SLIT2: variants seen among roughly 807,000 people sequenced by gnomAD.
SLIT2 encodes the protein slit homolog 2 protein.
Under a neutral mutation model 185.7 loss-of-function variants are expected in SLIT2, and 41 were observed. The observed-to-expected ratio is 0.22, with a 90% CI of 0.17 to 0.29. The LOEUF (loss-of-function observed/expected upper bound fraction) is 0.29, where lower values mean the gene tolerates loss of function less well. Among genes scored for constraint, SLIT2 ranks in the 10% least tolerant of loss-of-function variants. The pLI is 1.00. For synonymous variants in SLIT2, 693 were observed against 680.2 expected (o/e 1.02, Z -0.29); for missense variants, 1,571 against 1,909.0 (o/e 0.82, Z 3.30).
intron 9 of SLIT2, among the ~76,000 whole-genome samples, chr4:20,500,301 G>A (rs1718611292): frequency 6.6e-6 from 1 of 152,150 alleles, no homozygotes; most frequent in Non-Finnish European, 1.5e-5. Context: ...TTTAGAAAAT[G>A]TTATAAAAGT....
At chr4:20,335,791 ACTGT>A (rs1466417776) in intron 4 of SLIT2, among the ~76,000 whole-genome samples, 3 of 152,186 alleles carry the variant, frequency 2.0e-5, no homozygotes, top group Admixed American at 6.6e-5. Flanking sequence ...GAGAAATATT[ACTGT>A]CTAAGGACTC....
At chr4:20,372,383 A>C (rs1445952211) in intron 4 of SLIT2, among the ~76,000 whole-genome samples, 2 of 152,044 alleles carry the variant, frequency 1.3e-5, no homozygotes, top group Non-Finnish European at 2.9e-5. Context: ...AAATTTTACA[A>C]AAAACTAAAG....
intron 4 of SLIT2, among the ~76,000 whole-genome samples, chr4:20,304,845 T>G (rs901333762): frequency 3.9e-5 from 6 of 152,228 alleles, no homozygotes; most frequent in East Asian, 3.9e-4. Context: ...GATTGGTGGT[T>G]GTTGTTTTAA....
intron 5 of SLIT2, among the ~76,000 whole-genome samples, chr4:20,475,941 T>C (rs2148769189): frequency 6.6e-6 from 1 of 152,270 alleles, no homozygotes; most frequent in Admixed American, 6.5e-5. Flanking sequence ...GAAAAGCAAA[T>C]TGTTGCCTGA....
At chr4:20,447,595 T>C (rs186778705) in intron 4 of SLIT2, among the ~76,000 whole-genome samples, 52 of 152,284 alleles carry the variant, frequency 3.4e-4, no homozygotes, top group African/African-American at 1.2e-3. Context: ...CTGTGTTTCA[T>C]GTAAGGAAAA....
At chr4:20,543,138 G>A (rs1275577155) in intron 21 of SLIT2, among the ~76,000 whole-genome samples, 1 of 151,898 alleles carries the variant, frequency 6.6e-6, no homozygotes, top group Non-Finnish European at 1.5e-5. Flanking sequence ...TAACTATCTG[G>A]TATATGGAAG....
chr4:20,402,377 AT>A (rs1352064425), intron 4 of SLIT2, among the ~76,000 whole-genome samples: 1 of 151,808 alleles, frequency 6.6e-6, no homozygotes, highest in Non-Finnish European at 1.5e-5. Context: ...AACTAGCTTA[AT>A]TTTTTTGTTG....
chr4:20,364,095 C>G (rs73238759), intron 4 of SLIT2, among the ~76,000 whole-genome samples: 32,796 of 152,072 alleles, frequency 0.22, 3,803 homozygotes, highest in Non-Finnish European at 0.27. Flanking sequence ...AGGGAAAGTT[C>G]GTCTTTGCTC....
At chr4:20,573,336 G>C (rs1725782362) in intron 29 of SLIT2, 4 of 701,266 alleles carry the variant, frequency 5.7e-6, no homozygotes, top group Non-Finnish European at 7.8e-6. Flanking sequence ...AGATTTCACT[G>C]CGGGTACACA....
At chr4:20,508,914 C>T (rs1719448501) in intron 9 of SLIT2, among the ~76,000 whole-genome samples, 1 of 151,938 alleles carries the variant, frequency 6.6e-6, no homozygotes, top group Admixed American at 6.6e-5. Context: ...ACCGTAGCAC[C>T]ATGAGAAGGG....
chr4:20,573,155 T>C lies in SLIT2; in HGVS notation c.3088+4151T>C. 4.3e-6 allele frequency: 3 copies of C among 702,540 alleles called. No homozygotes were observed. The South Asian group carries it at 4.4e-5, about 10-fold the overall frequency. 43.5% of individuals were successfully genotyped at this position (702,540 alleles called of 1,614,324 possible). A position where few individuals can be genotyped will look rare whatever the true frequency, so the allele number is the denominator to read the frequency against. On this transcript the variant is annotated intron_variant, in intron 29 of 36. Transcript: ENST00000504154. Reference sequence around the variant, plus strand: ...ACCCCTGCTTCTCTGTTGTGAACGCTGCGCATTGGCTTCCTGTGCTCTGCT... The same window carrying C: ...ACCCCTGCTTCTCTGTTGTGAACGCCGCGCATTGGCTTCCTGTGCTCTGCT...
At chr4:20,438,368 T>C (rs531578112) in intron 4 of SLIT2, among the ~76,000 whole-genome samples, 40 of 151,932 alleles carry the variant, frequency 2.6e-4, no homozygotes, top group South Asian at 1.0e-3. Flanking sequence ...CAAGGAGGAG[T>C]AAGTCACATC....
chr4:20,560,487 A>T (rs1004714430), intron 26 of SLIT2, among the ~76,000 whole-genome samples: 1 of 151,950 alleles, frequency 6.6e-6, no homozygotes, highest in Non-Finnish European at 1.5e-5. Context: ...GATGGCCATG[A>T]CTTGTCTTTA....
At chr4:20,332,962 G>A (rs1333686499) in intron 4 of SLIT2, among the ~76,000 whole-genome samples, 5 of 152,014 alleles carry the variant, frequency 3.3e-5, no homozygotes. Context: ...ATTTTTAAAA[G>A]AAAGGACATA....
chr4:20,615,270 G>C (rs1006255152), intron 34 of SLIT2: 1 of 152,236 alleles, frequency 6.6e-6, no homozygotes, highest in African/African-American at 2.4e-5. Flanking sequence ...CCCTGCTCTA[G>C]AAAGCAACCC....
At chr4:20,312,788 A>G (rs10938793) in intron 4 of SLIT2, among the ~76,000 whole-genome samples, 34,493 of 148,586 alleles carry the variant, frequency 0.23, 5,047 homozygotes, top group East Asian at 0.6. Context: ...AAAAAAAAAA[A>G]AAAAAGAAAG....
intron 28 of SLIT2, among the ~76,000 whole-genome samples, chr4:20,568,458 T>C (rs1487002917): frequency 6.6e-6 from 1 of 151,986 alleles, no homozygotes; most frequent in Non-Finnish European, 1.5e-5. Context: ...TTAGTAGATA[T>C]TGCAATTTTA....
chr4:20,548,264 C>CAT (rs760333839), intron 22 of SLIT2, among the ~76,000 whole-genome samples: 11 of 152,046 alleles, frequency 7.2e-5, no homozygotes, highest in South Asian at 4.1e-4. Context: ...TAAAGCAATG[C>CAT]ATATATATAT....
At chr4:20,496,639 T>C (rs947491717) in intron 9 of SLIT2, among the ~76,000 whole-genome samples, 1 of 152,186 alleles carries the variant, frequency 6.6e-6, no homozygotes, top group African/African-American at 2.4e-5. Flanking sequence ...TATACTATTG[T>C]GTGTTTATTT....
Sources: gnomAD v4.1 joint callset for allele counts (sites outside exome capture counted in the v4.1 genomes callset) on GRCh38, gnomAD v4.1.1 for gene constraint, MANE v1.5 for transcripts, NCBI Gene and HGNC (gene_info 2026-07-23, HGNC 2026-07-21) for gene names.